The following UPP1 variants were observed in gnomAD, a reference collection of about 807,000 sequenced individuals.
The protein encoded by UPP1 is UPase 1.
Under a neutral mutation model 29.6 loss-of-function variants are expected in UPP1, and 25 were observed. The ratio of observed to expected loss-of-function variants is 0.85; its 90% CI spans 0.62 to 1.18. The LOEUF (loss-of-function observed/expected upper bound fraction) is 1.18. UPP1 is among the 50% of genes most tolerant of loss of function. The pLI is 0.00. For synonymous variants in UPP1, 165 were observed against 159.8 expected (o/e 1.03, Z -0.25); for missense variants, 368 against 410.4 (o/e 0.90, Z 0.89).
intron 3 of UPP1, among the ~76,000 whole-genome samples, chr7:48,098,796 C>A (rs1792263308): frequency 6.6e-6 from 1 of 152,152 alleles, no homozygotes; most frequent in Non-Finnish European, 1.5e-5. Context: ...TGTAAGGGAG[C>A]CCACCCATCT....
At chr7:48,089,472 C>G (rs1053615749) in intron 1 of UPP1, 54 bp downstream of exon 1, 1 of 152,562 alleles carries the variant, frequency 6.6e-6, no homozygotes, top group Admixed American at 6.5e-5. Context: ...GGGTCTAGCC[C>G]GTCCCCTGCC....
At chr7:48,099,330 A>T (rs549623830) in intron 3 of UPP1, among the ~76,000 whole-genome samples, 6 of 152,216 alleles carry the variant, frequency 3.9e-5, no homozygotes, top group Non-Finnish European at 8.8e-5. Flanking sequence ...TATACATCGA[A>T]TGAACTTGAT....
At chr7:48,102,920 G>A (rs1314714682) in intron 5 of UPP1, among the ~76,000 whole-genome samples, 1 of 152,164 alleles carries the variant, frequency 6.6e-6, no homozygotes, top group South Asian at 2.1e-4. Context: ...GGAGAAAAGA[G>A]AAAGGAGATA....
chr7:48,095,331 C>T (rs773158079), intron 3 of UPP1, among the ~76,000 whole-genome samples: 8 of 151,992 alleles, frequency 5.3e-5, no homozygotes, highest in Admixed American at 1.3e-4. Flanking sequence ...TATTTTCTCA[C>T]CCCCCCAGTT....
At chr7:48,092,552 T>C (rs886425358) in intron 2 of UPP1, among the ~76,000 whole-genome samples, 3 of 152,106 alleles carry the variant, frequency 2.0e-5, no homozygotes, top group African/African-American at 4.8e-5. Flanking sequence ...ACTCATTCCC[T>C]TCACACTGGT....
At position 48,107,544 on chromosome 7, in the gene UPP1, C is replaced by G. The variant is rs772019059; in HGVS notation, c.793+37C>G. ...TTGATGGGCCTCGGCGTCCCCTCCT[C>G]CCTTCACTTCTGCTCTCCTGGAGCC... On this transcript the variant is annotated intron_variant, in intron 8 of 8. Transcript: ENST00000395564. 11 of 1,568,812 alleles carry G rather than the reference C, an allele frequency of 7.0e-6. No homozygotes were observed. In the South Asian group the frequency reaches 1.3e-4, roughly 18 times the overall value.
intron 2 of UPP1, among the ~76,000 whole-genome samples, chr7:48,093,784 C>A (rs930485480): frequency 1.3e-5 from 2 of 152,156 alleles, no homozygotes; most frequent in Admixed American, 6.6e-5. Context: ...CCCCTGTCCC[C>A]GCTGCTCCCC....
intron 3 of UPP1, 106 bp from the exon 4 acceptor site, chr7:48,099,564 T>C: frequency 1.3e-6 from 1 of 782,180 alleles, no homozygotes; most frequent in South Asian, 1.6e-5. Flanking sequence ...TGGCCCTGTC[T>C]TTCTCCCACC....
intron 3 of UPP1, among the ~76,000 whole-genome samples, chr7:48,097,771 A>C (rs1457574814): frequency 2.6e-5 from 4 of 152,204 alleles, no homozygotes; most frequent in Non-Finnish European, 4.4e-5. Flanking sequence ...TACATGAAAA[A>C]TAGTTGTCAC....
intron 6 of UPP1, chr7:48,105,821 G>A (rs898036640): frequency 1.3e-5 from 2 of 152,088 alleles, no homozygotes; most frequent in Non-Finnish European, 2.9e-5. Flanking sequence ...CCTCCCAAAG[G>A]CCCTGCTGCC....
chr7:48,096,947 G>A (rs1013050149), intron 3 of UPP1, among the ~76,000 whole-genome samples: 7 of 151,824 alleles, frequency 4.6e-5, no homozygotes, highest in Admixed American at 2.6e-4. Context: ...TGATCTGCCC[G>A]CCTCAGCCTC....
At chr7:48,104,268 G>T (rs1280539931) in intron 6 of UPP1, among the ~76,000 whole-genome samples, 1 of 152,130 alleles carries the variant, frequency 6.6e-6, no homozygotes, top group Non-Finnish European at 1.5e-5. Context: ...ACATGGCAAA[G>T]AAAGAATGAG....
At chr7:48,108,000 G>C (rs929255453) in intron 8 of UPP1, among the ~76,000 whole-genome samples, 2 of 152,162 alleles carry the variant, frequency 1.3e-5, no homozygotes, top group Non-Finnish European at 2.9e-5. Flanking sequence ...GGAGGGACAG[G>C]GCAGGGTGGT....
At chr7:48,090,777 A>C (rs1791784751) in intron 2 of UPP1, among the ~76,000 whole-genome samples, 1 of 151,954 alleles carries the variant, frequency 6.6e-6, no homozygotes, top group African/African-American at 2.4e-5. Context: ...CTCTTACATT[A>C]TTTCTTTTTT....
intron 6 of UPP1, 196 bp from the exon 7 acceptor site, chr7:48,106,677 C>T: frequency 1.7e-6 from 1 of 582,276 alleles, no homozygotes; most frequent in South Asian, 2.0e-5. Flanking sequence ...TAATTACTTT[C>T]ATAGCTTAAA....
chr7:48,094,407 TG>T (rs773104409), intron 2 of UPP1, among the ~76,000 whole-genome samples: 15 of 152,064 alleles, frequency 9.9e-5, no homozygotes, highest in Non-Finnish European at 1.5e-4. Flanking sequence ...GTAGAGATGG[TG>T]TTTCACTGTA....
At chr7:48,089,535 C>T (rs1199715913) in intron 1 of UPP1, 117 bp downstream of exon 1, 1 of 153,688 alleles carries the variant, frequency 6.5e-6, no homozygotes, top group Admixed American at 6.5e-5. Flanking sequence ...TCTGGTGCAC[C>T]TTGGCTGTGA....
intron 4 of UPP1, among the ~76,000 whole-genome samples, chr7:48,100,646 A>G (rs1255960020): frequency 6.6e-6 from 1 of 152,228 alleles, no homozygotes; most frequent in Non-Finnish European, 1.5e-5. Context: ...TGACATGTAG[A>G]ATTAAAAATC....
At chr7:48,099,116 C>A (rs530388526) in intron 3 of UPP1, among the ~76,000 whole-genome samples, 49 of 152,316 alleles carry the variant, frequency 3.2e-4, no homozygotes, top group African/African-American at 1.1e-3. Flanking sequence ...CATTTTCTAG[C>A]AGATAAACAG....
Sources: gnomAD v4.1 joint callset for allele counts (sites outside exome capture counted in the v4.1 genomes callset) on GRCh38, gnomAD v4.1.1 for gene constraint, MANE v1.5 for transcripts, NCBI Gene and HGNC (gene_info 2026-07-23, HGNC 2026-07-21) for gene names.